The following TPRG1 variants were observed in gnomAD, a reference collection of about 807,000 sequenced individuals.
The protein encoded by TPRG1 is tumor protein p63-regulated gene 1 protein.
Under a neutral mutation model 29.3 loss-of-function variants are expected in TPRG1, and 29 were observed. The ratio of observed to expected loss-of-function variants is 0.99; its 90% CI spans 0.74 to 1.35. The LOEUF (loss-of-function observed/expected upper bound fraction) is 1.35, where lower values mean the gene tolerates loss of function less well. Among genes scored for constraint, TPRG1 ranks in the 40% most tolerant of loss-of-function variants. The pLI, the probability that TPRG1 is intolerant of heterozygous loss-of-function variation, is 0.00. For synonymous variants in TPRG1, 130 were observed against 116.8 expected (o/e 1.11, Z -0.73); for missense variants, 327 against 335.0 (o/e 0.98, Z 0.19).
chr3:189,087,359 T>A (rs1021674294), intron 4 of TPRG1, among the ~76,000 whole-genome samples: 3 of 152,126 alleles, frequency 2.0e-5, no homozygotes, highest in Non-Finnish European at 2.9e-5. Context: ...GGGTCGTTAG[T>A]TTTTTCTTGT....
intron 4 of TPRG1, among the ~76,000 whole-genome samples, chr3:189,056,036 CCTTCCTTCCTTCCTT>C (rs1560417908): frequency 5.4e-4 from 20 of 37,344 alleles, no homozygotes; most frequent in African/African-American, 8.4e-4. Context: ...TCCCTCCCTT[CCTTCCTTCCTTCCTT>C]CCTTCCTTCC....
intron 4 of TPRG1, among the ~76,000 whole-genome samples, chr3:189,290,593 T>G (rs80081737): frequency 0.051 from 7,745 of 152,290 alleles, 359 homozygotes; most frequent in African/African-American, 0.12. Context: ...AGGCTACTGG[T>G]TTTCTTTGAA....
At chr3:189,128,174 C>T (rs900706363) in intron 2 of TPRG1, among the ~76,000 whole-genome samples, 1 of 152,148 alleles carries the variant, frequency 6.6e-6, no homozygotes, top group Non-Finnish European at 1.5e-5. Flanking sequence ...TCCTGTTTGT[C>T]GTGTACTCTT....
intron 4 of TPRG1, among the ~76,000 whole-genome samples, chr3:189,055,688 C>A (rs1286651133): frequency 6.6e-6 from 1 of 152,160 alleles, no homozygotes; most frequent in African/African-American, 2.4e-5. Flanking sequence ...GCCCTCCCAA[C>A]AAAGAGATGG....
At chr3:189,292,427 T>A (rs927353947) in intron 4 of TPRG1, among the ~76,000 whole-genome samples, 2 of 151,934 alleles carry the variant, frequency 1.3e-5, no homozygotes, top group African/African-American at 2.4e-5. Flanking sequence ...GTTTTCCACA[T>A]ACTATTTTGG....
chr3:189,228,869 A>G (rs909246826), intron 3 of TPRG1, among the ~76,000 whole-genome samples: 1 of 152,348 alleles, frequency 6.6e-6, no homozygotes, highest in South Asian at 2.1e-4. Flanking sequence ...TTAGAAAATT[A>G]TAAGGAGTCT....
chr3:189,191,064 C>T (rs770722143), intron 1 of TPRG1: 82 of 710,172 alleles, frequency 1.2e-4, no homozygotes, highest in Non-Finnish European at 1.4e-4. Flanking sequence ...GTAGTTGTAG[C>T]AGTTCACACG....
intron 4 of TPRG1, among the ~76,000 whole-genome samples, chr3:189,304,864 C>T (rs1202486985): frequency 6.6e-6 from 1 of 152,156 alleles, no homozygotes; most frequent in East Asian, 1.9e-4. Context: ...GAGTTGCTCT[C>T]TCCCCATCGC....
rs550847480 is a variant in TPRG1 at position 189,323,768 on chromosome 3, G to GC, written c.*2949dup. ...AGTTTGATTGATAATAGGAGTAGAC[G>GC]CAAGATACATTAAGTAGAGTACAAA... is the stretch of plus-strand genomic sequence containing the variant. On this transcript the variant is annotated 3_prime_UTR_variant, in exon 6 of 6. Transcript: ENST00000345063. The GC allele has an allele frequency of 6.6e-6, 1 of 152,070 alleles. No homozygotes were observed. Among genetic ancestry groups the GC allele is most frequent in the South Asian group, 2.1e-4 (1 of 4,832 alleles). 9.4% of individuals were successfully genotyped at this position (152,070 alleles called of 1,614,324 possible).
chr3:189,085,914 G>A (rs1247777340), intron 4 of TPRG1, among the ~76,000 whole-genome samples: 2 of 152,076 alleles, frequency 1.3e-5, no homozygotes, highest in African/African-American at 4.8e-5. Flanking sequence ...TATTAGTCAG[G>A]GTTCTCTAGA....
At chr3:189,227,149 C>CA (rs58900755) in intron 3 of TPRG1, among the ~76,000 whole-genome samples, 19,116 of 140,684 alleles carry the variant, frequency 0.14, 1,306 homozygotes, top group Admixed American at 0.22. Flanking sequence ...CCTGTCTTCA[C>CA]AAAAAAAAAA....
intron 4 of TPRG1, among the ~76,000 whole-genome samples, chr3:189,071,265 A>G (rs1716797686): frequency 6.6e-6 from 1 of 152,206 alleles, no homozygotes; most frequent in Admixed American, 6.5e-5. Flanking sequence ...ACTTAAAGCT[A>G]ACCCTAAATA....
intron 1 of TPRG1, among the ~76,000 whole-genome samples, chr3:189,198,141 C>T (rs1375975296): frequency 1.3e-5 from 2 of 152,204 alleles, no homozygotes. Flanking sequence ...GGGCGGCTGA[C>T]ATCTCAATTG....
At chr3:189,079,789 A>G (rs1304565933) in intron 4 of TPRG1, among the ~76,000 whole-genome samples, 1 of 152,196 alleles carries the variant, frequency 6.6e-6, no homozygotes, top group Non-Finnish European at 1.5e-5. Context: ...TTCTAAGCAC[A>G]TGTTTAAGAT....
chr3:189,255,889 T>C (rs1711774186), intron 4 of TPRG1, among the ~76,000 whole-genome samples: 1 of 151,696 alleles, frequency 6.6e-6, no homozygotes, highest in Non-Finnish European at 1.5e-5. Context: ...TCATTTTTTG[T>C]TTATTGTATT....
chr3:189,231,302 A>G (rs138768981), intron 3 of TPRG1, among the ~76,000 whole-genome samples: 246 of 150,550 alleles, frequency 1.6e-3, no homozygotes, highest in African/African-American at 5.5e-3. Flanking sequence ...ACACATACAT[A>G]TGGAATTAAT....
At chr3:189,224,479 A>AAACAAC (rs1008855767) in intron 3 of TPRG1, among the ~76,000 whole-genome samples, 3 of 147,988 alleles carry the variant, frequency 2.0e-5, no homozygotes, top group African/African-American at 8.0e-5. Context: ...ACTCCATCTC[A>AAACAAC]AACAACAACA....
intron 2 of TPRG1, among the ~76,000 whole-genome samples, chr3:189,211,361 G>A (rs1034791599): frequency 1.3e-5 from 2 of 152,124 alleles, no homozygotes; most frequent in Non-Finnish European, 2.9e-5. Flanking sequence ...GTAAGCAGCC[G>A]ATGCCATAAT....
At chr3:189,315,607 T>C (rs1263754906) in intron 5 of TPRG1, 1 of 400,452 alleles carries the variant, frequency 2.5e-6, no homozygotes, top group Middle Eastern at 3.5e-4. Context: ...CCATTTGTAC[T>C]CTTTTCTTGT....
Sources: allele counts gnomAD v4.1 joint callset (sites outside exome capture counted in the v4.1 genomes callset), GRCh38; gene constraint gnomAD v4.1.1; transcripts MANE v1.5; gene names NCBI Gene and HGNC (gene_info 2026-07-23, HGNC 2026-07-21).